MGAT4C: variants seen among roughly 807,000 people sequenced by gnomAD.
MGAT4C encodes alpha-1,3-mannosyl-glycoprotein 4-beta-N-acetylglucosaminyltransferase C.
In MGAT4C, 19 loss-of-function variants were observed where a neutral mutation model predicts 40.1. The ratio of observed to expected loss-of-function variants is 0.47; its 90% CI spans 0.33 to 0.70. The LOEUF (loss-of-function observed/expected upper bound fraction) is 0.70, where lower values mean the gene tolerates loss of function less well. Among genes scored for constraint, MGAT4C ranks in the 30% least tolerant of loss-of-function variants. The probability of loss-of-function intolerance (pLI) is 0.02; values close to 1 mark genes in which losing one functional copy is unlikely to be tolerated. For synonymous variants in MGAT4C, 181 were observed against 187.1 expected (o/e 0.97, Z 0.27); for missense variants, 491 against 563.2 (o/e 0.87, Z 1.30).
intron 1 of MGAT4C, among the ~76,000 whole-genome samples, chr12:86,238,086 T>G (rs1362881482): frequency 6.6e-6 from 1 of 151,900 alleles, no homozygotes; most frequent in African/African-American, 2.4e-5. Flanking sequence ...CTTTACTTTT[T>G]GATAACCTGT....
intron 1 of MGAT4C, among the ~76,000 whole-genome samples, chr12:86,131,192 T>C (rs1226094663): frequency 3.9e-5 from 6 of 152,082 alleles, no homozygotes; most frequent in Admixed American, 2.0e-4. Context: ...TAAAATGTGA[T>C]AATAATATCT....
chr12:86,398,061 A>G (rs999650207), intron 3 of MGAT4C, among the ~76,000 whole-genome samples: 3 of 152,234 alleles, frequency 2.0e-5, no homozygotes, highest in African/African-American at 7.2e-5. Flanking sequence ...GGGAACAACA[A>G]CAAACAGTAT....
intron 2 of MGAT4C, among the ~76,000 whole-genome samples, chr12:86,586,233 G>T (rs1961033696): frequency 7.4e-6 from 1 of 135,456 alleles, no homozygotes; most frequent in Non-Finnish European, 1.6e-5. Context: ...AGTTTACTGA[G>T]AACAATGATT....
intron 1 of MGAT4C, among the ~76,000 whole-genome samples, chr12:86,072,923 T>C (rs1186228033): frequency 6.6e-6 from 1 of 152,178 alleles, no homozygotes; most frequent in African/African-American, 2.4e-5. Context: ...TCATTAACAG[T>C]ATTGTGATTT....
chr12:86,475,506 A>T (rs1957820424), intron 2 of MGAT4C, among the ~76,000 whole-genome samples: 1 of 152,042 alleles, frequency 6.6e-6, no homozygotes, highest in South Asian at 2.1e-4. Flanking sequence ...AAATATAATA[A>T]ATTGTTAGTC....
intron 2 of MGAT4C, among the ~76,000 whole-genome samples, chr12:86,610,977 G>C (rs1167780206): frequency 4.0e-5 from 6 of 151,708 alleles, no homozygotes; most frequent in African/African-American, 1.5e-4. Flanking sequence ...ATTACATGTG[G>C]GTCAGAAATG....
chr12:86,633,366 T>C (rs1963122511), intron 2 of MGAT4C, among the ~76,000 whole-genome samples: 1 of 152,098 alleles, frequency 6.6e-6, no homozygotes. Flanking sequence ...CATTTAAGAA[T>C]TTGTCATGAG....
intron 1 of MGAT4C, among the ~76,000 whole-genome samples, chr12:86,112,608 T>C (rs1290540734): frequency 6.6e-6 from 1 of 151,562 alleles, no homozygotes; most frequent in Non-Finnish European, 1.5e-5. Flanking sequence ...TTTTAGCAAA[T>C]GAATGTGCAT....
At chr12:86,443,739 G>T (rs1007355967) in intron 2 of MGAT4C, among the ~76,000 whole-genome samples, 16 of 152,066 alleles carry the variant, frequency 1.1e-4, no homozygotes, top group South Asian at 4.2e-4. Context: ...GACTACAGGC[G>T]CCTGCCACCA....
At chr12:86,774,032 C>T (rs573469309) in intron 1 of MGAT4C, among the ~76,000 whole-genome samples, 14 of 140,546 alleles carry the variant, frequency 1.0e-4, no homozygotes, top group Admixed American at 3.0e-4. Flanking sequence ...GGGCTTACTG[C>T]GACCTCTGTC....
chr12:86,491,279 T>A (rs1202053885), intron 2 of MGAT4C, among the ~76,000 whole-genome samples: 1 of 152,098 alleles, frequency 6.6e-6, no homozygotes, highest in Non-Finnish European at 1.5e-5. Flanking sequence ...GAGGGAATCA[T>A]CCCTAACTCA....
At chr12:86,476,999 G>A (rs1018376177) in intron 2 of MGAT4C, among the ~76,000 whole-genome samples, 3 of 151,884 alleles carry the variant, frequency 2.0e-5, no homozygotes, top group African/African-American at 7.3e-5. Flanking sequence ...TCTGGGTGAT[G>A]GAACCATCCA....
intron 1 of MGAT4C, among the ~76,000 whole-genome samples, chr12:86,784,725 A>C (rs1417986043): frequency 6.6e-6 from 1 of 152,014 alleles, no homozygotes; most frequent in East Asian, 1.9e-4. Context: ...AAGGAAGCAA[A>C]GACTGATCAC....
chr12:86,795,198 AT>A (rs1247194557), intron 1 of MGAT4C, among the ~76,000 whole-genome samples: 50 of 152,096 alleles, frequency 3.3e-4, no homozygotes, highest in Non-Finnish European at 2.1e-4. Flanking sequence ...CATTTATTAT[AT>A]TCTAATTACA....
At chr12:86,706,204 A>G (rs932519181) in intron 2 of MGAT4C, among the ~76,000 whole-genome samples, 1 of 152,132 alleles carries the variant, frequency 6.6e-6, no homozygotes, top group African/African-American at 2.4e-5. Flanking sequence ...ATGTAAGGAG[A>G]AACCTACATT....
chr12:86,425,773 C>A (rs973725458), intron 3 of MGAT4C, among the ~76,000 whole-genome samples: 5 of 152,110 alleles, frequency 3.3e-5, no homozygotes, highest in African/African-American at 1.2e-4. Context: ...TGAAGTATTG[C>A]ATGCATATAA....
chr12:86,441,322 CTGA>C (rs1957222297), intron 2 of MGAT4C, among the ~76,000 whole-genome samples: 1 of 149,276 alleles, frequency 6.7e-6, no homozygotes, highest in South Asian at 2.1e-4. Flanking sequence ...AATCAACCAA[CTGA>C]TTTTTTTTAT....
chr12:86,309,312 T>C (rs904453802), intron 4 of MGAT4C, among the ~76,000 whole-genome samples: 5 of 152,234 alleles, frequency 3.3e-5, no homozygotes, highest in Non-Finnish European at 7.3e-5. Context: ...ACAAGTGCCC[T>C]AGTCCATTTT....
In MGAT4C at chr12:86,809,056, C is replaced by T. The variant is rs1193543780; in HGVS notation, c.-262+29610G>A. Among the ~76,000 whole-genome samples, 7 of 152,076 alleles carry T rather than the reference C, an allele frequency of 4.6e-5. No individual in the cohort carries two copies. In the East Asian group the frequency reaches 1.2e-3, roughly 25 times the overall value. On this transcript the variant is annotated intron_variant, in intron 1 of 7. Transcript: ENST00000548651. ...AATTGCTACAAAGAGAATAAAATAC[C>T]TAAGAATACAGCTAAAATGGGACAT...
Sources: gnomAD v4.1 joint callset for allele counts (sites outside exome capture counted in the v4.1 genomes callset) on GRCh38, gnomAD v4.1.1 for gene constraint, MANE v1.5 for transcripts, NCBI Gene and HGNC (gene_info 2026-07-23, HGNC 2026-07-21) for gene names.